Variants in OTOF observed in about 807,000 individuals in gnomAD.
OTOF encodes otoferlin.
OTOF carries 218 observed loss-of-function variants against 236.8 expected under a neutral mutation model. The observed-to-expected ratio is 0.92, with a 90% CI of 0.82 to 1.03. The LOEUF (loss-of-function observed/expected upper bound fraction) is 1.03, where lower values mean the gene tolerates loss of function less well. Ranked by LOEUF, OTOF falls within the 50% of genes least tolerant of loss-of-function variation. OTOF has a pLI of 0.00. For missense variants in OTOF, 2,590 were observed against 2,694.4 expected (o/e 0.96, Z 0.86); for synonymous variants, 1,041 against 1,072.5 (o/e 0.97, Z 0.57).
In OTOF at chr2:26,477,740, G is replaced by C; in HGVS notation, c.2224C>G (p.Leu742Val). The change falls in exon 19 of 47, where the codon CTG (leucine) becomes GTG (valine). Residue 742 changes from leucine (L) to valine (V), a missense_variant. By Grantham distance (32) the Leu-to-Val change is conservative (BLOSUM62 1). Transcript: ENST00000272371. This position sits in a 1 kb window ranked among gnomAD's most constrained non-coding sequence, Gnocchi z 4.7. Reference sequence around the variant, plus strand: ...TTGATCATCTCCTGTATGTCGTTCAGGCCTTCTTCCTGTGAATCAGGAGTG... The same window carrying C: ...TTGATCATCTCCTGTATGTCGTTCACGCCTTCTTCCTGTGAATCAGGAGTG... ...DHIADKLEEG[L>V]NDIQEMIKTE... 1 of 1,612,722 alleles carries C rather than the reference G, an allele frequency of 6.2e-7. No individual in the cohort carries two copies. Among genetic ancestry groups the C allele is most frequent in the South Asian group, 1.1e-5 (1 of 91,080 alleles).
intron 1 of OTOF, among the ~76,000 whole-genome samples, chr2:26,545,369 A>G (rs1338459148): frequency 6.6e-6 from 1 of 152,122 alleles, no homozygotes; most frequent in African/African-American, 2.4e-5. Context: ...TCTTATTATT[A>G]TTGACTTATA....
At position 26,461,254 on chromosome 2, in the gene OTOF, CCA is replaced by C. The variant is rs1386209852; in HGVS notation, c.5534-226_5534-225del. On this transcript the variant is annotated intron_variant, in intron 43 of 46. Coordinates refer to ENST00000272371, the MANE Select transcript of OTOF (RefSeq NM_194248.3). This position sits in a 1 kb window ranked among gnomAD's most constrained non-coding sequence, Gnocchi z 6.2. ...GCTTTACTCAGGTCCTTCTTTCACC[CCA>C]GAGGGTCTCTCCTGGGGTCTCCCCT... Among the ~76,000 whole-genome samples the C allele has an allele frequency of 6.6e-6, 1 of 152,218 alleles. No homozygotes were observed. The highest frequency in any genetic ancestry group is 6.5e-5 in the Admixed American group (1 of 15,288).
intron 46 of OTOF, among the ~76,000 whole-genome samples, chr2:26,459,604 C>T (rs1238007445): frequency 6.7e-6 from 1 of 150,242 alleles, no homozygotes; most frequent in South Asian, 2.1e-4. Context: ...AGAAACATGG[C>T]TGGGAGCAGA....
chr2:26,458,674 C>T (rs958042046), intron 46 of OTOF, among the ~76,000 whole-genome samples: 9 of 152,218 alleles, frequency 5.9e-5, no homozygotes, highest in Non-Finnish European at 8.8e-5. Flanking sequence ...CCGACCTGCC[C>T]ACTCTCAGGA....
chr2:26,531,841 C>T (rs1666955525), intron 2 of OTOF, among the ~76,000 whole-genome samples: 1 of 152,010 alleles, frequency 6.6e-6, no homozygotes, highest in African/African-American at 2.4e-5. Context: ...TACCTGCAAA[C>T]ACAGCATTTT....
At chr2:26,523,043 C>A (rs1294030759) in intron 3 of OTOF, among the ~76,000 whole-genome samples, 1 of 152,230 alleles carries the variant, frequency 6.6e-6, no homozygotes, top group Non-Finnish European at 1.5e-5. Flanking sequence ...GCACCAGAAT[C>A]CTGTCAATAA....
At chr2:26,474,352 C>T (rs1402545790) in intron 26 of OTOF, among the ~76,000 whole-genome samples, 161 bp downstream of exon 26, 2 of 137,100 alleles carry the variant, frequency 1.5e-5, no homozygotes, top group East Asian at 4.5e-4. Context: ...CCCCAGCCCT[C>T]AGCCCCAGCC....
chr2:26,485,763 G>A (rs938007868), intron 11 of OTOF, among the ~76,000 whole-genome samples: 1 of 152,232 alleles, frequency 6.6e-6, no homozygotes, highest in African/African-American at 2.4e-5. Context: ...AGATGTTAGG[G>A]GCTGTGTACA....
intron 8 of OTOF, among the ~76,000 whole-genome samples, chr2:26,496,273 A>G (rs1287810164): frequency 7.0e-6 from 1 of 143,210 alleles, no homozygotes; most frequent in Non-Finnish European, 1.5e-5. Context: ...TCTCTCTGTC[A>G]CTCAGGCCTG....
chr2:26,518,619 G>GC (rs1378216589), intron 4 of OTOF, among the ~76,000 whole-genome samples: 2 of 152,274 alleles, frequency 1.3e-5, no homozygotes. Context: ...TGAGGTCCCT[G>GC]CCCTCCCAGG....
intron 30 of OTOF, 187 bp downstream of exon 30, chr2:26,472,332 T>C: frequency 1.4e-6 from 1 of 718,460 alleles, no homozygotes; most frequent in Non-Finnish European, 2.5e-6. Flanking sequence ...CACGCACGCG[T>C]GTGCATTCCA....
intron 5 of OTOF, among the ~76,000 whole-genome samples, chr2:26,507,949 G>T (rs1317635988): frequency 6.6e-6 from 1 of 152,196 alleles, no homozygotes; most frequent in Non-Finnish European, 1.5e-5. Context: ...GCTGTGTGGT[G>T]CACACAGGGT....
At position 26,540,742 on chromosome 2, in the gene OTOF, C is replaced by T. The variant is rs113931243; in HGVS notation, c.80-2968G>A. Among the ~76,000 whole-genome samples the T allele has an allele frequency of 8.3e-3, 1,195 of 143,324 alleles. 31 individuals carry two copies. The highest frequency in any genetic ancestry group is 0.029 in the African/African-American group (1,092 of 38,302). 94.0% of individuals were successfully genotyped at this position (143,324 alleles called of 152,430 possible). A position where few individuals can be genotyped will look rare whatever the true frequency, so the allele number is the denominator to read the frequency against. The stretch of plus-strand genomic sequence containing the variant: ...GTGTGTTCGTGTGTGTGTTTTGGGG[C>T]GGGGGCAGGTGGGGAAGGGCTGGCT... On this transcript the variant is annotated intron_variant, in intron 1 of 46. Coordinates refer to ENST00000272371, the MANE Select transcript of OTOF (RefSeq NM_194248.3).
In OTOF at chr2:26,477,705, C is replaced by T; in HGVS notation, c.2259G>A (p.Lys753=). ...NDIQEMIKTE[K]SYPERRLRGV... Reference sequence around the variant, plus strand: ...CCCGCAGGCGACGCTCAGGGTAGGACTTCTCCGTTTTGATCATCTCCTGTA... The same window carrying T: ...CCCGCAGGCGACGCTCAGGGTAGGATTTCTCCGTTTTGATCATCTCCTGTA... The change falls in exon 19 of 47, where the codon AAG becomes AAA. Residue 753 remains lysine (K), a synonymous_variant. Coordinates refer to ENST00000272371, the MANE Select transcript of OTOF (RefSeq NM_194248.3). The surrounding 1 kb of genome is among the most constrained non-coding windows in gnomAD (Gnocchi z 4.7). 6.2e-7 allele frequency: 1 copy of T among 1,612,742 alleles called. No individual in the cohort carries two copies. Among genetic ancestry groups the T allele is most frequent in the Non-Finnish European group, 8.5e-7 (1 of 1,179,978 alleles).
rs371055170 is a variant in OTOF, at chr2:26,498,152, C to T, written c.766-3079G>A. Among the ~76,000 whole-genome samples the T allele has an allele frequency of 7.2e-5, 11 of 151,874 alleles. No homozygotes were observed. The South Asian group carries it at 2.3e-3, about 31-fold the overall frequency. ...CATAAGACAGGCTACTTCTCCCTGTCCCCCTTTTCAGGCCTCATACGTTTC... is the reference window on the plus strand; with the variant it reads ...CATAAGACAGGCTACTTCTCCCTGTTCCCCTTTTCAGGCCTCATACGTTTC... On this transcript the variant is annotated intron_variant, in intron 8 of 46. Transcript: ENST00000272371.
chr2:26,551,021 G>T (rs193191979), intron 1 of OTOF, among the ~76,000 whole-genome samples: 2 of 151,894 alleles, frequency 1.3e-5, no homozygotes, highest in Non-Finnish European at 2.9e-5. Context: ...ACAGAGTCTC[G>T]CTCTGTCGCC....
chr2:26,548,746 G>A (rs1428924094), intron 1 of OTOF, among the ~76,000 whole-genome samples: 1 of 152,198 alleles, frequency 6.6e-6, no homozygotes, highest in Non-Finnish European at 1.5e-5. Context: ...TGTGGCCTAG[G>A]AGCAGTAGGT....
chr2:26,499,298 C>CG (rs752401090), intron 8 of OTOF, among the ~76,000 whole-genome samples: 14 of 152,172 alleles, frequency 9.2e-5, no homozygotes, highest in Non-Finnish European at 1.9e-4. Context: ...GGGTACGCCG[C>CG]GGTCCTTTTA....
chr2:26,493,674 T>C (rs1027640923), intron 9 of OTOF, among the ~76,000 whole-genome samples: 2 of 151,818 alleles, frequency 1.3e-5, no homozygotes, highest in Non-Finnish European at 2.9e-5. Context: ...GAACAGAATG[T>C]AGAGGAGGGG....
Sources: gnomAD v4.1 joint callset for allele counts (sites outside exome capture counted in the v4.1 genomes callset) on GRCh38, gnomAD v4.1.1 for gene constraint, Gnocchi (gnomAD v3.1) non-coding constraint, MANE v1.5 for transcripts, NCBI Gene and HGNC (gene_info 2026-07-23, HGNC 2026-07-21) for gene names.